The following SNCAIP variants were observed in gnomAD, a reference collection of about 807,000 sequenced individuals.
SNCAIP encodes the protein synuclein alpha interacting protein.
In SNCAIP, 43 loss-of-function variants were observed where a neutral mutation model predicts 86.7. That is an observed-to-expected ratio of 0.50 (90% confidence interval 0.39 to 0.64). The LOEUF (loss-of-function observed/expected upper bound fraction) is 0.64. Ranked by LOEUF, SNCAIP falls within the 30% of genes least tolerant of loss-of-function variation. SNCAIP has a pLI of 0.00. For missense variants in SNCAIP, 981 were observed against 1,103.1 expected, an observed-to-expected ratio of 0.89 and a Z score of 1.57; for synonymous variants, 417 against 427.2, an observed-to-expected ratio of 0.98 and a Z score of 0.29.
intron 1 of SNCAIP, among the ~76,000 whole-genome samples, chr5:122,359,349 T>TTATTTATTTATTTATTTA (rs1554085982): frequency 7.0e-6 from 1 of 142,182 alleles, no homozygotes; most frequent in Non-Finnish European, 1.5e-5. Context: ...AGATTTTTAT[T>TTATTTATTTATTTATTTA]TTTATTTATT....
intron 3 of SNCAIP, among the ~76,000 whole-genome samples, chr5:122,417,104 T>C (rs753954904): frequency 6.6e-5 from 10 of 152,192 alleles, no homozygotes; most frequent in Admixed American, 6.5e-5. Flanking sequence ...AGAGGTAAAA[T>C]AAATAGGCAT....
intron 4 of SNCAIP, 141 bp from the exon 5 acceptor site, chr5:122,425,211 G>A: frequency 1.3e-6 from 1 of 751,174 alleles, no homozygotes; most frequent in South Asian, 1.5e-5. Flanking sequence ...ATAATAGCAA[G>A]AAACTGATTT....
At chr5:122,357,217 T>C (rs1761197843) in intron 1 of SNCAIP, among the ~76,000 whole-genome samples, 1 of 152,092 alleles carries the variant, frequency 6.6e-6, no homozygotes, top group African/African-American at 2.4e-5. Flanking sequence ...TGCCCTAATG[T>C]TACCTCTTTA....
intron 5 of SNCAIP, among the ~76,000 whole-genome samples, 181 bp from the exon 6 acceptor site, chr5:122,431,788 C>T (rs996657581): frequency 4.0e-4 from 61 of 151,998 alleles, no homozygotes; most frequent in Non-Finnish European, 1.0e-4. Flanking sequence ...CAATTGATTT[C>T]GAGCCAAATC....
intron 1 of SNCAIP, among the ~76,000 whole-genome samples, chr5:122,367,147 G>A (rs1035601278): frequency 6.6e-6 from 1 of 152,002 alleles, no homozygotes; most frequent in African/African-American, 2.4e-5. Context: ...ATCAAGCAGA[G>A]ATATCCAGGA....
intron 3 of SNCAIP, among the ~76,000 whole-genome samples, chr5:122,410,373 C>G (rs950199923): frequency 4.6e-5 from 7 of 152,136 alleles, no homozygotes; most frequent in South Asian, 4.1e-4. Context: ...CGAGCTGCCC[C>G]CTCTGTGGAA....
At chr5:122,327,628 C>T (rs1274819624) in intron 1 of SNCAIP, among the ~76,000 whole-genome samples, 1 of 152,124 alleles carries the variant, frequency 6.6e-6, no homozygotes, top group Non-Finnish European at 1.5e-5. Flanking sequence ...ACTTGCTTCC[C>T]CTTTGCCTTC....
chr5:122,365,220 G>A (rs1014867095), intron 1 of SNCAIP, among the ~76,000 whole-genome samples: 2 of 151,940 alleles, frequency 1.3e-5, no homozygotes, highest in African/African-American at 2.4e-5. Context: ...CTTATTAATC[G>A]TGACCAATTT....
intron 1 of SNCAIP, among the ~76,000 whole-genome samples, chr5:122,342,252 T>C (rs1580516982): frequency 6.6e-6 from 1 of 152,030 alleles, no homozygotes. Context: ...GGTCAAAGCA[T>C]AGAAACTGGA....
chr5:122,456,136 G>T (rs1018517197), intron 10 of SNCAIP, among the ~76,000 whole-genome samples: 1 of 152,174 alleles, frequency 6.6e-6, no homozygotes, highest in African/African-American at 2.4e-5. Flanking sequence ...GACCACAGTT[G>T]CACAGTTGCC....
At chr5:122,372,691 C>T (rs1195791868) in intron 1 of SNCAIP, among the ~76,000 whole-genome samples, 1 of 152,152 alleles carries the variant, frequency 6.6e-6, no homozygotes, top group South Asian at 2.1e-4. Flanking sequence ...GAAAGTCTCC[C>T]TAATCACTTC....
chr5:122,369,714 ACCTT>A (rs1348719719), intron 1 of SNCAIP: 1 of 151,974 alleles, frequency 6.6e-6, no homozygotes, highest in Non-Finnish European at 1.5e-5. Context: ...CATCACAATC[ACCTT>A]CCTTGGTGAA....
intron 1 of SNCAIP, among the ~76,000 whole-genome samples, chr5:122,359,167 TTTTTA>T (rs1761702085): frequency 1.3e-5 from 2 of 149,940 alleles, no homozygotes. Context: ...TAATATGTCA[TTTTTA>T]TTTTAAGACA....
intron 3 of SNCAIP, among the ~76,000 whole-genome samples, chr5:122,406,255 A>C (rs1772954181): frequency 6.6e-6 from 1 of 152,204 alleles, no homozygotes; most frequent in African/African-American, 2.4e-5. Flanking sequence ...CCAGATGTAG[A>C]AATAACCCTC....
intron 8 of SNCAIP, among the ~76,000 whole-genome samples, chr5:122,448,836 G>A (rs1273958786): frequency 1.3e-5 from 2 of 148,534 alleles, no homozygotes; most frequent in Non-Finnish European, 3.0e-5. Flanking sequence ...CTAACAAGGT[G>A]AAACCCCATC....
intron 8 of SNCAIP, among the ~76,000 whole-genome samples, chr5:122,446,582 G>A (rs1241642616): frequency 6.6e-6 from 1 of 152,216 alleles, no homozygotes; most frequent in Non-Finnish European, 1.5e-5. Context: ...AGAATGCTGT[G>A]GACAGCTATA....
At chr5:122,312,087 C>T (rs1386652307), upstream of SNCAIP, 1 of 147,086 alleles carries the variant, frequency 6.8e-6, no homozygotes, top group Non-Finnish European at 1.5e-5. Context: ...CCAGGCTGCC[C>T]CCGCCCGCGC....
chr5:122,411,050 C>T (rs1037481631), intron 3 of SNCAIP, among the ~76,000 whole-genome samples: 32 of 152,282 alleles, frequency 2.1e-4, no homozygotes, highest in African/African-American at 7.2e-4. Context: ...AACTCACAGT[C>T]TTCTCTCCTG....
chr5:122,346,196 T>C (rs542435852), intron 1 of SNCAIP, among the ~76,000 whole-genome samples: 1 of 152,246 alleles, frequency 6.6e-6, no homozygotes, highest in Admixed American at 6.5e-5. Context: ...CCTCTAATGA[T>C]TTTCTTACTT....
Sources: allele counts gnomAD v4.1 joint callset (sites outside exome capture counted in the v4.1 genomes callset), GRCh38; gene constraint gnomAD v4.1.1; transcripts MANE v1.5; gene names NCBI Gene and HGNC (gene_info 2026-07-23, HGNC 2026-07-21).